The following DDX10 variants were observed in gnomAD, a reference collection of about 807,000 sequenced individuals.
DDX10 encodes the protein DEAD-box helicase 10.
DDX10 carries 74 observed loss-of-function variants against 104.3 expected under a neutral mutation model. The observed-to-expected ratio is 0.71, with a 90% confidence interval of 0.59 to 0.86. The LOEUF (loss-of-function observed/expected upper bound fraction) is 0.86, where lower values mean the gene tolerates loss of function less well. Ranked by LOEUF, DDX10 falls within the 40% of genes least tolerant of loss-of-function variation. The probability of loss-of-function intolerance (pLI) is 0.00; values close to 1 mark genes in which losing one functional copy is unlikely to be tolerated. For missense variants in DDX10, 952 were observed against 1,040.0 expected (o/e 0.92, Z 1.16); for synonymous variants, 351 against 353.4 (o/e 0.99, Z 0.08).
chr11:108,714,296 C>T (rs970164), intron 10 of DDX10, among the ~76,000 whole-genome samples: 20,748 of 152,164 alleles, frequency 0.14, 1,558 homozygotes, highest in East Asian at 0.25. Flanking sequence ...GGCACTGCCT[C>T]CCCCAGTTGT....
At chr11:108,868,602 T>C (rs1863038377) in intron 16 of DDX10, among the ~76,000 whole-genome samples, 1 of 152,154 alleles carries the variant, frequency 6.6e-6, no homozygotes, top group Non-Finnish European at 1.5e-5. Context: ...CTAATGAGTT[T>C]GATGGCACTG....
intron 13 of DDX10, among the ~76,000 whole-genome samples, chr11:108,734,242 TAC>T (rs2094315723): frequency 1.3e-5 from 2 of 152,206 alleles, no homozygotes; most frequent in Admixed American, 6.5e-5. Context: ...AAGTCAAGAC[TAC>T]TGTACTCCGA....
At chr11:108,767,326 C>T (rs1440074860) in intron 13 of DDX10, 4 of 152,218 alleles carry the variant, frequency 2.6e-5, no homozygotes, top group African/African-American at 9.6e-5. Context: ...TCATGTTCCT[C>T]TGGGACCAAA....
chr11:108,834,229 C>T (rs776742132), intron 13 of DDX10, among the ~76,000 whole-genome samples: 10 of 150,824 alleles, frequency 6.6e-5, no homozygotes, highest in Non-Finnish European at 5.9e-5. Context: ...TTGGCCTCCC[C>T]AAATGCTGGT....
chr11:108,703,580 G>A (rs759827588), intron 9 of DDX10, among the ~76,000 whole-genome samples: 14 of 152,128 alleles, frequency 9.2e-5, no homozygotes, highest in East Asian at 5.8e-4. Context: ...CACCTGCCTC[G>A]GCCTCCCAAA....
At chr11:108,906,315 T>C (rs187670715) in intron 16 of DDX10, among the ~76,000 whole-genome samples, 1 of 152,364 alleles carries the variant, frequency 6.6e-6, no homozygotes, top group East Asian at 1.9e-4. Flanking sequence ...GATGTAAATA[T>C]TTCACATTTC....
At chr11:108,773,401 C>A (rs1287202083) in intron 13 of DDX10, among the ~76,000 whole-genome samples, 1 of 152,158 alleles carries the variant, frequency 6.6e-6, no homozygotes, top group Admixed American at 6.5e-5. Flanking sequence ...TTGGTGAAGT[C>A]TCCCTATCTA....
intron 13 of DDX10, among the ~76,000 whole-genome samples, chr11:108,764,890 A>G (rs987929021): frequency 4.6e-5 from 7 of 152,210 alleles, no homozygotes; most frequent in Non-Finnish European, 7.3e-5. Flanking sequence ...TTCTAGTGTA[A>G]ATTATGGCAT....
chr11:108,737,265 A>G (rs556412462), intron 13 of DDX10, among the ~76,000 whole-genome samples: 14 of 152,350 alleles, frequency 9.2e-5, no homozygotes, highest in East Asian at 3.9e-4. Context: ...GTGTTTTGCC[A>G]TAGGACAAAA....
intron 13 of DDX10, among the ~76,000 whole-genome samples, chr11:108,726,889 G>A (rs2094306016): frequency 6.6e-6 from 1 of 151,982 alleles, no homozygotes; most frequent in Admixed American, 6.6e-5. Context: ...GTGTTTTTAT[G>A]ATAAAATGAA....
At chr11:108,898,115 C>G (rs1863465054) in intron 16 of DDX10, among the ~76,000 whole-genome samples, 1 of 152,146 alleles carries the variant, frequency 6.6e-6, no homozygotes, top group South Asian at 2.1e-4. Context: ...TACAGTGCCT[C>G]CAGTATCCCA....
intron 13 of DDX10, among the ~76,000 whole-genome samples, chr11:108,784,815 A>G (rs902528315): frequency 2.0e-5 from 3 of 152,266 alleles, no homozygotes; most frequent in South Asian, 4.1e-4. Flanking sequence ...TAGGATTTTT[A>G]TAGTTTGAGG....
At chr11:108,681,576 A>G (rs1475173875) in intron 6 of DDX10, among the ~76,000 whole-genome samples, 1 of 152,224 alleles carries the variant, frequency 6.6e-6, no homozygotes, top group East Asian at 1.9e-4. Context: ...GTTAGAGAGT[A>G]TCTACTCTCA....
chr11:108,895,959 C>A (rs1357818392), intron 16 of DDX10, among the ~76,000 whole-genome samples: 2 of 152,030 alleles, frequency 1.3e-5, no homozygotes, highest in Non-Finnish European at 2.9e-5. Context: ...ATATCAACTT[C>A]CTCTTTGTGG....
intron 13 of DDX10, among the ~76,000 whole-genome samples, chr11:108,793,165 T>C (rs928058776): frequency 2.0e-5 from 3 of 152,280 alleles, no homozygotes; most frequent in African/African-American, 7.2e-5. Flanking sequence ...CTGTTGGCCA[T>C]GAGGCACCCT....
chr11:108,930,855 G>C (rs1863967357), intron 17 of DDX10, among the ~76,000 whole-genome samples: 1 of 152,126 alleles, frequency 6.6e-6, no homozygotes, highest in Non-Finnish European at 1.5e-5. Context: ...TTATGAACAG[G>C]GCTGCCCTTT....
intron 9 of DDX10, among the ~76,000 whole-genome samples, chr11:108,702,172 T>TA (rs1173113022): frequency 6.6e-6 from 1 of 152,194 alleles, no homozygotes; most frequent in Admixed American, 6.5e-5. Context: ...ATATAGGTCT[T>TA]AAAAACATAG....
chr11:108,806,898 G>T (rs1288786291), intron 13 of DDX10, among the ~76,000 whole-genome samples: 1 of 152,184 alleles, frequency 6.6e-6, no homozygotes, highest in Non-Finnish European at 1.5e-5. Context: ...GATGAGGTTG[G>T]AGAGGTAAGC....
intron 16 of DDX10, among the ~76,000 whole-genome samples, chr11:108,895,486 A>G (rs1275582899): frequency 6.6e-6 from 1 of 152,008 alleles, no homozygotes; most frequent in Non-Finnish European, 1.5e-5. Context: ...ATCCCAATTT[A>G]GTTTTCAGAC....
Sources: gnomAD v4.1 joint callset for allele counts (sites outside exome capture counted in the v4.1 genomes callset) on GRCh38, gnomAD v4.1.1 for gene constraint, MANE v1.5 for transcripts, NCBI Gene and HGNC (gene_info 2026-07-23, HGNC 2026-07-21) for gene names.